The following ZNF385C variants were observed in gnomAD, a reference collection of about 807,000 sequenced individuals.
ZNF385C encodes the protein CTD-2132N18.2.
A neutral mutation model predicts 35.4 loss-of-function variants in ZNF385C; 28 were observed. The ratio of observed to expected loss-of-function variants is 0.79; its 90% CI spans 0.59 to 1.08. The LOEUF (loss-of-function observed/expected upper bound fraction) is 1.08. Among genes scored for constraint, ZNF385C ranks in the 50% least tolerant of loss-of-function variants. The pLI, the probability that ZNF385C is intolerant of heterozygous loss-of-function variation, is 0.00. For synonymous variants in ZNF385C, 248 were observed against 248.2 expected (o/e 1.00, Z 0.01); for missense variants, 605 against 595.6 (o/e 1.02, Z -0.16).
At chr17:42,098,008 T>C (rs2053934689) in intron 1 of ZNF385C, among the ~76,000 whole-genome samples, 1 of 152,118 alleles carries the variant, frequency 6.6e-6, no homozygotes, top group African/African-American at 2.4e-5. Context: ...CCAGTTTGGG[T>C]CAAGCCATCA....
At chr17:42,092,003 G>A (rs1346304142) in intron 1 of ZNF385C, among the ~76,000 whole-genome samples, 1 of 152,186 alleles carries the variant, frequency 6.6e-6, no homozygotes, top group Admixed American at 6.5e-5. Context: ...AAGGAGCCCT[G>A]GCTGTGAGGG....
chr17:42,039,983 C>A, intron 2 of ZNF385C: 1 of 1,231,050 alleles, frequency 8.1e-7, no homozygotes, highest in Non-Finnish European at 1.0e-6. Context: ...TGCGCGCACG[C>A]CAGCTGGGTG....
Position 42,028,941 on chromosome 17 carries a change from G to C in ZNF385C, c.809C>G (p.Ser270Cys). Residue 270 changes from serine (S) to cysteine (C), a missense_variant, in exon 6 of 9, where the codon TCC becomes TGC. Coordinates refer to ENST00000692273, the MANE Select transcript of ZNF385C (RefSeq NM_001392013.1). ...SSSSSSCPPC[S>C]PEPGREAPGP... ...CGGTGCCTCTCTCCCAGGCTCTGGG[G>C]AGCAAGGTGGGCAGGAGGAAGAAGA... 1 of 1,550,628 alleles carries C rather than the reference G, an allele frequency of 6.4e-7. No homozygotes were observed. The highest frequency in any genetic ancestry group is 8.7e-7 in the Non-Finnish European group (1 of 1,147,014).
intron 1 of ZNF385C, among the ~76,000 whole-genome samples, chr17:42,070,092 C>T (rs2053602703): frequency 6.6e-6 from 1 of 151,916 alleles, no homozygotes; most frequent in African/African-American, 2.4e-5. Context: ...CGCCTGTAAT[C>T]CCAGCACTTT....
intron 3 of ZNF385C, among the ~76,000 whole-genome samples, chr17:42,037,249 T>A (rs180988757): frequency 2.0e-5 from 3 of 152,218 alleles, no homozygotes; most frequent in Admixed American, 2.0e-4. Flanking sequence ...TGCAGGCACA[T>A]ACCTTAATTA....
chr17:42,031,043 C>G (rs1436216073), intron 5 of ZNF385C, among the ~76,000 whole-genome samples: 1 of 105,684 alleles, frequency 9.5e-6, no homozygotes, highest in Non-Finnish European at 1.8e-5. Flanking sequence ...AGGTTGTAGT[C>G]TCTTTTTTTG....
intron 1 of ZNF385C, among the ~76,000 whole-genome samples, chr17:42,076,335 G>T (rs571823407): frequency 7.9e-5 from 12 of 152,290 alleles, no homozygotes; most frequent in Admixed American, 2.6e-4. Flanking sequence ...AGAGGGGGAG[G>T]CTCTGGCCGG....
intron 2 of ZNF385C, among the ~76,000 whole-genome samples, chr17:42,053,140 A>G (rs2053314780): frequency 6.6e-6 from 1 of 152,128 alleles, no homozygotes; most frequent in South Asian, 2.1e-4. Context: ...GGATGTGCAG[A>G]CTGCCCCCAA....
Position 42,064,122 on chromosome 17 carries a change from T to TACACA in ZNF385C, c.-2-1065_-2-1064insTGTGT, listed in dbSNP as rs2053513751. ...CACACACACACACACACACACACTT[T>TACACA]CTGTCTCTTCGGGACCCTCAAGTGG... On this transcript the variant is annotated intron_variant, in intron 1 of 8. Coordinates refer to ENST00000692273, the MANE Select transcript of ZNF385C (RefSeq NM_001392013.1). 1.1e-4 allele frequency among the ~76,000 whole-genome samples: 11 copies of TACACA among 104,286 alleles called. No individual in the cohort carries two copies. In the South Asian group the frequency reaches 2.1e-3, roughly 20 times the overall value. 68.4% of individuals were successfully genotyped at this position (104,286 alleles called of 152,430 possible).
intron 1 of ZNF385C, among the ~76,000 whole-genome samples, chr17:42,093,295 A>G (rs1228660284): frequency 6.6e-6 from 1 of 152,196 alleles, no homozygotes; most frequent in Non-Finnish European, 1.5e-5. Context: ...AAAAGTGTCA[A>G]TTCAGCCCCA....
At position 42,079,405 on chromosome 17, in the gene ZNF385C, C is replaced by A. The variant is rs1173877679; in HGVS notation, c.-2-16347G>T. 3.3e-3 allele frequency among the ~76,000 whole-genome samples: 446 copies of A among 137,080 alleles called. 1 individual carries two copies. Among genetic ancestry groups the A allele is most frequent in the African/African-American group, 0.012 (429 of 36,448 alleles). 89.9% of individuals were successfully genotyped at this position (137,080 alleles called of 152,430 possible). ...CTCAAAAAAAAAAAAAAAAAAAATA[C>A]TGACCAGGCACAGTGGCTCACGCCT... On this transcript the variant is annotated intron_variant, in intron 1 of 8. Transcript: ENST00000692273.
chr17:42,031,631 G>A lies in ZNF385C; in HGVS notation c.664C>T (p.Pro222Ser), dbSNP rs1391283558. The stretch of plus-strand genomic sequence containing the variant: ...GCTCAGGACTGACCTTTACTCTGTG[G>A]CTCTCCAGGGGCTCCACTGGCCAGC... Reference protein sequence around the residue: ...PTLASGAPGEPQSKVPAAPPL... With the variant: ...PTLASGAPGESQSKVPAAPPL... The change falls in exon 5 of 9, where the codon CCA (proline) becomes TCA (serine). Residue 222 changes from proline to serine, a missense_variant. Coordinates refer to ENST00000692273, the MANE Select transcript of ZNF385C (RefSeq NM_001392013.1). 36 of 1,550,416 alleles carry A rather than the reference G, an allele frequency of 2.3e-5. No individual in the cohort carries two copies. The highest frequency in any genetic ancestry group is 4.1e-5 in the African/African-American group (3 of 73,044).
At chr17:42,027,549 ATCT>A in intron 8 of ZNF385C, 66 bp downstream of exon 8, 1 of 466,216 alleles carries the variant, frequency 2.1e-6, no homozygotes, top group Non-Finnish European at 3.8e-6. Flanking sequence ...CAGCCCCCCC[ATCT>A]GGCCCTCCCA....
chr17:42,081,585 C>T (rs1555659707), intron 1 of ZNF385C, among the ~76,000 whole-genome samples: 2 of 152,118 alleles, frequency 1.3e-5, no homozygotes, highest in Admixed American at 6.6e-5. Flanking sequence ...CCACGTTGAC[C>T]AGGCTGGTCT....
At chr17:42,036,426 C>T (rs1385706495) in intron 3 of ZNF385C, among the ~76,000 whole-genome samples, 9 of 151,998 alleles carry the variant, frequency 5.9e-5, no homozygotes, top group African/African-American at 2.2e-4. Context: ...GGCGTGGTGG[C>T]TCACACCTGT....
intron 2 of ZNF385C, chr17:42,039,751 A>G (rs1331581752): frequency 2.4e-6 from 3 of 1,232,298 alleles, no homozygotes; most frequent in African/African-American, 3.1e-5. Context: ...CCCACTCTCT[A>G]AGAACTCCAC....
intron 2 of ZNF385C, among the ~76,000 whole-genome samples, chr17:42,056,379 C>A (rs1174445485): frequency 6.6e-6 from 1 of 152,232 alleles, no homozygotes; most frequent in Non-Finnish European, 1.5e-5. Context: ...CCATACTCCT[C>A]CCCATTCTCA....
intron 2 of ZNF385C, among the ~76,000 whole-genome samples, chr17:42,060,762 C>T (rs1555657941): frequency 2.6e-5 from 4 of 152,162 alleles, no homozygotes; most frequent in Admixed American, 2.6e-4. Flanking sequence ...GTTGCCCCGG[C>T]TGGAGTGCAA....
intron 7 of ZNF385C, 94 bp from the exon 8 acceptor site, chr17:42,027,822 C>T (rs781999775): frequency 1.6e-5 from 22 of 1,362,800 alleles, no homozygotes; most frequent in Admixed American, 1.6e-4. Flanking sequence ...CTATCCACAG[C>T]TCATACATCC....
Sources: gnomAD v4.1 joint callset for allele counts (sites outside exome capture counted in the v4.1 genomes callset) on GRCh38, gnomAD v4.1.1 for gene constraint, MANE v1.5 for transcripts, NCBI Gene and HGNC (gene_info 2026-07-23, HGNC 2026-07-21) for gene names.